The following USP15 variants were observed in gnomAD, a reference collection of about 807,000 sequenced individuals.
The protein encoded by USP15 is ubiquitin specific peptidase 15.
In USP15, 18 loss-of-function variants were observed where a neutral mutation model predicts 127.1. That is an observed-to-expected ratio of 0.14 (90% CI 0.10 to 0.21). USP15 has a LOEUF of 0.21. USP15 is among the 10% of genes least tolerant of loss of function. The pLI, the probability that USP15 is intolerant of heterozygous loss-of-function variation, is 1.00. For missense variants in USP15, 805 were observed against 1,159.9 expected (o/e 0.69, Z 4.44); for synonymous variants, 364 against 393.7 (o/e 0.92, Z 0.89).
intron 3 of USP15, among the ~76,000 whole-genome samples, chr12:62,309,498 A>G (rs1409016519): frequency 2.0e-5 from 3 of 152,106 alleles, no homozygotes; most frequent in Admixed American, 6.6e-5. Context: ...TAGGGAAGCC[A>G]TAAACCAATA....
In USP15 at chr12:62,302,818, C is replaced by T. The variant is rs11174420; in HGVS notation, c.246C>T (p.His82=). The T allele has an allele frequency of 0.3, 490,266 of 1,610,132 alleles. 77,114 individuals are homozygous for T. The highest frequency in any genetic ancestry group is 0.46 in the African/African-American group (34,528 of 74,804). Residue 82 remains histidine, a synonymous_variant, in exon 3 of 22, where the codon CAC becomes CAT. Transcript: ENST00000280377. ...GTGATGCCCAGTCACTTAAGGAACA[C>T]CTTATTGATGAATTGGATTACATAC... ...KDGDAQSLKE[H]LIDELDYILL...
At chr12:62,379,609 A>G (rs938383873) in intron 8 of USP15, among the ~76,000 whole-genome samples, 1 of 152,144 alleles carries the variant, frequency 6.6e-6, no homozygotes, top group African/African-American at 2.4e-5. Context: ...GATATTTGTA[A>G]ATTAGGTTCT....
intron 19 of USP15, among the ~76,000 whole-genome samples, chr12:62,395,663 A>G (rs1348995044): frequency 6.6e-6 from 1 of 151,130 alleles, no homozygotes. Flanking sequence ...CACACTTGTC[A>G]TCCTCTAGTA....
At chr12:62,390,125 G>T (rs949650506) in intron 14 of USP15, 137 bp downstream of exon 14, 2 of 963,326 alleles carry the variant, frequency 2.1e-6, no homozygotes, top group African/African-American at 3.3e-5. Flanking sequence ...TTCATAGTCA[G>T]ATTATAGTCC....
At chr12:62,357,856 A>G (rs2066184375) in intron 8 of USP15, among the ~76,000 whole-genome samples, 1 of 152,108 alleles carries the variant, frequency 6.6e-6, no homozygotes, top group Admixed American at 6.6e-5. Context: ...TGGTGGCAGT[A>G]GCCTTTACTC....
intron 8 of USP15, among the ~76,000 whole-genome samples, chr12:62,369,094 G>T (rs1006300350): frequency 6.6e-6 from 1 of 152,100 alleles, no homozygotes; most frequent in Admixed American, 6.6e-5. Context: ...CATGTTTAGT[G>T]AATGAGGTAG....
At chr12:62,356,739 T>A (rs78030427) in intron 8 of USP15, among the ~76,000 whole-genome samples, 3,353 of 152,126 alleles carry the variant, frequency 0.022, 125 homozygotes, top group African/African-American at 0.075. Context: ...TAGCACTAGT[T>A]AGACATAGAG....
intron 21 of USP15, among the ~76,000 whole-genome samples, chr12:62,401,916 A>G (rs1258728998): frequency 1.4e-5 from 1 of 72,144 alleles, no homozygotes; most frequent in Non-Finnish European, 2.8e-5. Context: ...ATATGTATAT[A>G]TACATATATA....
intron 20 of USP15, among the ~76,000 whole-genome samples, chr12:62,400,400 C>T (rs2067644834): frequency 6.6e-6 from 1 of 151,876 alleles, no homozygotes; most frequent in South Asian, 2.1e-4. Context: ...ATTTATAATA[C>T]CTAATACAAT....
At chr12:62,362,959 G>T (rs1241738739) in intron 8 of USP15, among the ~76,000 whole-genome samples, 6 of 152,116 alleles carry the variant, frequency 3.9e-5, no homozygotes, top group Non-Finnish European at 8.8e-5. Context: ...AAAAACATGT[G>T]CAAAGCCACT....
In USP15 at chr12:62,404,408, T is replaced by A. The variant is rs2067802024; in HGVS notation, c.*33T>A. On this transcript the variant is annotated 3_prime_UTR_variant, in exon 22 of 22. Transcript: ENST00000280377. Reference sequence around the variant, plus strand: ...CCTAGAAGCCATAAAAGAGACACTTTCCTGCTGGTGGTATCTATGGAAATG... The same window carrying A: ...CCTAGAAGCCATAAAAGAGACACTTACCTGCTGGTGGTATCTATGGAAATG... 3 of 1,529,320 alleles carry A rather than the reference T, an allele frequency of 2.0e-6. No homozygotes were observed. Among genetic ancestry groups the A allele is most frequent in the Admixed American group, 4.1e-5 (2 of 49,148 alleles). 94.7% of individuals were successfully genotyped at this position (1,529,320 alleles called of 1,614,324 possible). A position where few individuals can be genotyped will look rare whatever the true frequency, so the allele number is the denominator to read the frequency against.
chr12:62,285,480 ATGTGTG>A (rs1035024069), intron 1 of USP15, among the ~76,000 whole-genome samples: 1 of 150,560 alleles, frequency 6.6e-6, no homozygotes, highest in East Asian at 2.0e-4. Context: ...GTGTTTGTGT[ATGTGTG>A]TGTGTACATG....
At chr12:62,402,482 G>C (rs1046364607) in intron 21 of USP15, among the ~76,000 whole-genome samples, 2 of 152,014 alleles carry the variant, frequency 1.3e-5, no homozygotes, top group Non-Finnish European at 2.9e-5. Context: ...GCACAGGGAA[G>C]TTCATGTGGT....
intron 8 of USP15, among the ~76,000 whole-genome samples, chr12:62,360,022 G>A (rs1055633455): frequency 1.3e-5 from 2 of 152,090 alleles, no homozygotes; most frequent in Non-Finnish European, 2.9e-5. Flanking sequence ...CATTAGTTCA[G>A]TAGATTCAAG....
chr12:62,390,472 T>C (rs919368534), intron 14 of USP15, among the ~76,000 whole-genome samples: 1 of 152,122 alleles, frequency 6.6e-6, no homozygotes, highest in African/African-American at 2.4e-5. Context: ...ATTTGATCCC[T>C]TTTATCCTTG....
chr12:62,347,901 T>C (rs1286882151), intron 6 of USP15, among the ~76,000 whole-genome samples: 2 of 152,138 alleles, frequency 1.3e-5, no homozygotes, highest in African/African-American at 4.8e-5. Flanking sequence ...TGTATAAAAC[T>C]TTAAAAGTTA....
At chr12:62,357,238 T>A (rs1262817657) in intron 8 of USP15, among the ~76,000 whole-genome samples, 1 of 152,092 alleles carries the variant, frequency 6.6e-6, no homozygotes, top group African/African-American at 2.4e-5. Flanking sequence ...TACTGCATCC[T>A]AGTTTTCTGT....
intron 20 of USP15, among the ~76,000 whole-genome samples, chr12:62,399,440 A>G (rs2067606230): frequency 1.3e-5 from 2 of 152,206 alleles, no homozygotes; most frequent in Non-Finnish European, 1.5e-5. Context: ...TTTAAACAGC[A>G]ATAAGACTCT....
chr12:62,330,668 C>G (rs1299759049), intron 6 of USP15, among the ~76,000 whole-genome samples: 1 of 151,556 alleles, frequency 6.6e-6, no homozygotes, highest in African/African-American at 2.4e-5. Flanking sequence ...CACCTGTAAT[C>G]CTAGCATTTT....
Sources: gnomAD v4.1 joint callset for allele counts (sites outside exome capture counted in the v4.1 genomes callset) on GRCh38, gnomAD v4.1.1 for gene constraint, MANE v1.5 for transcripts, NCBI Gene and HGNC (gene_info 2026-07-23, HGNC 2026-07-21) for gene names.